The following HIVEP3 variants were observed in gnomAD, a reference collection of about 807,000 sequenced individuals.
The protein encoded by HIVEP3 is transcription factor HIVEP3.
Under a neutral mutation model 152.8 loss-of-function variants are expected in HIVEP3, and 49 were observed. The ratio of observed to expected loss-of-function variants is 0.32; its 90% CI spans 0.26 to 0.41. HIVEP3 has a LOEUF of 0.41. Among genes scored for constraint, HIVEP3 ranks in the 10% least tolerant of loss-of-function variants. The pLI is 1.00. For missense variants in HIVEP3, 2,790 were observed against 3,103.3 expected, an observed-to-expected ratio of 0.90 and a Z score of 2.40; for synonymous variants, 1,269 against 1,289.0, an observed-to-expected ratio of 0.98 and a Z score of 0.33.
At chr1:41,856,288 G>T (rs1643763598) in intron 1 of HIVEP3, among the ~76,000 whole-genome samples, 1 of 152,180 alleles carries the variant, frequency 6.6e-6, no homozygotes, top group South Asian at 2.1e-4. Context: ...AATGAATGAA[G>T]GAATAGAAAA....
chr1:41,541,239 T>A (rs952758881), intron 5 of HIVEP3, among the ~76,000 whole-genome samples: 6 of 152,172 alleles, frequency 3.9e-5, no homozygotes, highest in Non-Finnish European at 7.3e-5. Flanking sequence ...CTATTACACC[T>A]CCCAGCTGTT....
intron 1 of HIVEP3, among the ~76,000 whole-genome samples, chr1:41,990,117 G>T (rs1645351135): frequency 1.0e-5 from 1 of 99,612 alleles, no homozygotes; most frequent in Non-Finnish European, 2.0e-5. Context: ...GGCAGGCCTG[G>T]TGGTGACAAA....
At chr1:41,939,198 G>A (rs1314641824) in intron 1 of HIVEP3, among the ~76,000 whole-genome samples, 1 of 151,992 alleles carries the variant, frequency 6.6e-6, no homozygotes, top group Non-Finnish European at 1.5e-5. Flanking sequence ...TTTTATAATG[G>A]AAAGTTGATC....
chr1:41,529,224 TCA>T (rs754586180), intron 5 of HIVEP3, among the ~76,000 whole-genome samples: 10 of 86,396 alleles, frequency 1.2e-4, no homozygotes, highest in Non-Finnish European at 1.9e-4. Context: ...ACCCTCACCC[TCA>T]CACATGCTCA....
chr1:42,026,075 GA>G (rs5773758), intron 1 of HIVEP3, among the ~76,000 whole-genome samples: 4,602 of 137,366 alleles, frequency 0.034, 106 homozygotes, highest in East Asian at 0.12. Context: ...TCTCAAAAGA[GA>G]AAAAAAAAAA....
At chr1:41,548,947 G>A (rs1385567857) in intron 5 of HIVEP3, among the ~76,000 whole-genome samples, 2 of 152,090 alleles carry the variant, frequency 1.3e-5, no homozygotes, top group Non-Finnish European at 2.9e-5. Context: ...AAGTATACAT[G>A]TGCCATGCTG....
At chr1:41,869,144 C>T (rs141738868) in intron 1 of HIVEP3, among the ~76,000 whole-genome samples, 180 of 152,302 alleles carry the variant, frequency 1.2e-3, no homozygotes, top group African/African-American at 4.2e-3. Context: ...GCTCTCCCAT[C>T]GACCTGCTTG....
At chr1:41,757,727 T>TTATTTATTTATTTATC (rs375717921) in intron 1 of HIVEP3, among the ~76,000 whole-genome samples, 1 of 151,852 alleles carries the variant, frequency 6.6e-6, no homozygotes, top group Admixed American at 6.6e-5. Flanking sequence ...ATTTATTTAT[T>TTATTTATTTATTTATC]TTTGAGACGG....
At chr1:41,881,281 A>G (rs1299437593) in intron 1 of HIVEP3, among the ~76,000 whole-genome samples, 2 of 152,202 alleles carry the variant, frequency 1.3e-5, no homozygotes, top group Non-Finnish European at 2.9e-5. Context: ...CACAACAATG[A>G]TGAGAGGTGG....
chr1:41,775,097 C>T (rs1570510381), intron 1 of HIVEP3, among the ~76,000 whole-genome samples: 1 of 152,224 alleles, frequency 6.6e-6, no homozygotes, highest in African/African-American at 2.4e-5. Flanking sequence ...CCCACCGCAC[C>T]CAGCCACAAG....
intron 1 of HIVEP3, among the ~76,000 whole-genome samples, chr1:41,797,005 C>T (rs1170166774): frequency 6.6e-6 from 1 of 151,910 alleles, no homozygotes; most frequent in Non-Finnish European, 1.5e-5. Flanking sequence ...CCCTTTTTTC[C>T]CTAGTGTGAG....
chr1:41,725,971 A>G (rs918660855), intron 1 of HIVEP3, among the ~76,000 whole-genome samples: 2 of 152,218 alleles, frequency 1.3e-5, no homozygotes, highest in Non-Finnish European at 2.9e-5. Flanking sequence ...AACCTGTAGT[A>G]TGAATGATAT....
At chr1:41,652,396 A>AG (rs1405729803) in intron 2 of HIVEP3, among the ~76,000 whole-genome samples, 1 of 152,220 alleles carries the variant, frequency 6.6e-6, no homozygotes, top group East Asian at 1.9e-4. Context: ...AGGCAATCAT[A>AG]GCATGGAATT....
intron 1 of HIVEP3, among the ~76,000 whole-genome samples, chr1:41,987,965 C>G (rs1318062306): frequency 2.0e-5 from 3 of 152,112 alleles, no homozygotes; most frequent in Non-Finnish European, 4.4e-5. Context: ...GGGAACCACC[C>G]CCATGATCCA....
At chr1:41,558,475 T>C (rs1298616477) in intron 5 of HIVEP3, among the ~76,000 whole-genome samples, 3 of 152,190 alleles carry the variant, frequency 2.0e-5, no homozygotes, top group African/African-American at 7.2e-5. Flanking sequence ...TGGGGAAGCC[T>C]AGATGCTAGA....
intron 1 of HIVEP3, among the ~76,000 whole-genome samples, chr1:42,004,535 A>G (rs1645447356): frequency 6.6e-6 from 1 of 152,186 alleles, no homozygotes; most frequent in African/African-American, 2.4e-5. Context: ...GTTGCTTGGA[A>G]GGCAAAGGGT....
chr1:41,746,828 C>G (rs901257156), intron 1 of HIVEP3, among the ~76,000 whole-genome samples: 2 of 152,210 alleles, frequency 1.3e-5, no homozygotes, highest in Non-Finnish European at 2.9e-5. Context: ...ATGGCTGCCA[C>G]TATCACTATC....
At position 41,551,786 on chromosome 1, in the gene HIVEP3, T is replaced by C. The variant is rs532666424; in HGVS notation, c.5207+23758A>G. Among the ~76,000 whole-genome samples the C allele has an allele frequency of 1.5e-4, 23 of 152,356 alleles. No individual in the cohort carries two copies. The South Asian group carries it at 4.8e-3, about 32-fold the overall frequency. ...TTCTCTTTTTTCTTCTTTAGGAGTCTTGCTAATGGTCTATCAATTTTGTTG... is the reference window on the plus strand; with the variant it reads ...TTCTCTTTTTTCTTCTTTAGGAGTCCTGCTAATGGTCTATCAATTTTGTTG... On this transcript the variant is annotated intron_variant, in intron 5 of 8. Transcript: ENST00000372583.
chr1:41,580,812 G>A lies in HIVEP3; in HGVS notation c.3986C>T (p.Ser1329Phe). Residue 1329 changes from serine to phenylalanine, a missense_variant, in exon 4 of 9, where the codon TCC becomes TTC. Coordinates refer to ENST00000372583, the MANE Select transcript of HIVEP3 (RefSeq NM_024503.5). ...GGTGGTGTACATTGCGCTCCCATAG[G>A]ACGGCATATTGGTCTGAACACGGAC... is the stretch of plus-strand genomic sequence containing the variant. ...VPVRVQTNMP[S>F]YGSAMYTTLS... 6.3e-7 allele frequency: 1 copy of A among 1,580,462 alleles called. No homozygotes were observed. Among genetic ancestry groups the A allele is most frequent in the Non-Finnish European group, 8.6e-7 (1 of 1,163,092 alleles).
Sources: allele counts gnomAD v4.1 joint callset (sites outside exome capture counted in the v4.1 genomes callset), GRCh38; gene constraint gnomAD v4.1.1; transcripts MANE v1.5; gene names NCBI Gene and HGNC (gene_info 2026-07-23, HGNC 2026-07-21).